Variants in CTPS2 observed in about 807,000 individuals in gnomAD.
The protein encoded by CTPS2 is CTP synthase II.
CTPS2 carries 19 observed loss-of-function variants against 46.8 expected under a neutral mutation model. The ratio of observed to expected loss-of-function variants is 0.41; its 90% CI spans 0.28 to 0.60. The LOEUF (loss-of-function observed/expected upper bound fraction) is 0.60, where lower values mean the gene tolerates loss of function less well. Ranked by LOEUF, CTPS2 falls within the 20% of genes least tolerant of loss-of-function variation. CTPS2 has a pLI of 0.35. For missense variants in CTPS2, 286 were observed against 447.6 expected, an observed-to-expected ratio of 0.64 and a Z score of 3.26; for synonymous variants, 151 against 165.2, an observed-to-expected ratio of 0.91 and a Z score of 0.66.
chrX:16,636,783 G>A (rs1455032515), intron 14 of CTPS2, among the ~76,000 whole-genome samples: 2 of 110,432 alleles, frequency 1.8e-5, no homozygotes, highest in Non-Finnish European at 3.8e-5. Flanking sequence ...AAAAATAGCC[G>A]GCAGGCGCCT....
At chrX:16,594,309 T>C (rs1929114770) in intron 17 of CTPS2, among the ~76,000 whole-genome samples, 1 of 111,042 alleles carries the variant, frequency 9.0e-6, no homozygotes, top group Non-Finnish European at 1.9e-5. Flanking sequence ...GGCTCATATC[T>C]TCCCCCCACA....
intron 10 of CTPS2, among the ~76,000 whole-genome samples, chrX:16,677,324 T>C (rs748945453): frequency 3.0e-4 from 34 of 111,847 alleles, no homozygotes; most frequent in African/African-American, 1.0e-3. Flanking sequence ...TTTATTAATC[T>C]TCCAGATATC....
At chrX:16,711,201 A>G (rs1332512102) in intron 1 of CTPS2, among the ~76,000 whole-genome samples, 1 of 112,467 alleles carries the variant, frequency 8.9e-6, no homozygotes, top group African/African-American at 3.2e-5. Flanking sequence ...AATGAAGTTC[A>G]TGTTAATATA....
intron 1 of CTPS2, 42 bp from the exon 2 acceptor site, chrX:16,702,983 T>A: frequency 1.1e-6 from 1 of 878,669 alleles, no homozygotes; most frequent in Non-Finnish European, 1.6e-6. Context: ...GAGAAATATT[T>A]AAAACTAGTA....
In CTPS2 at chrX:16,689,499, C is replaced by T. The variant is rs764233202; in HGVS notation, c.823G>A (p.Gly275Ser). ...YFKERLHLPI[G>S]DSASNLLFKW... Reference sequence around the variant, plus strand: ...AAAAGCAAATTACTTGCAGAATCACCGATGGGCAGGTGCAATCTCTCCTTA... The same window carrying T: ...AAAAGCAAATTACTTGCAGAATCACTGATGGGCAGGTGCAATCTCTCCTTA... Residue 275 changes from glycine (G) to serine (S), a missense_variant, in exon 8 of 19, where the codon GGT becomes AGT. Physicochemically the swap from Gly to Ser is moderately conservative, Grantham distance 56. Coordinates refer to ENST00000359276, the MANE Select transcript of CTPS2 (RefSeq NM_175859.3). 2.5e-6 allele frequency: 3 copies of T among 1,208,958 alleles called. No homozygotes were observed. The highest frequency in any genetic ancestry group is 3.4e-6 in the Non-Finnish European group (3 of 894,682).
chrX:16,667,506 C>CCACT lies in CTPS2; in HGVS notation c.1296+4_1296+7dup. 1 of 1,209,978 alleles carries CCACT rather than the reference C, an allele frequency of 8.3e-7. No individual in the cohort carries two copies. Among genetic ancestry groups the CCACT allele is most frequent in the Non-Finnish European group, 1.1e-6 (1 of 893,943 alleles). ...GACTGGACCCAGAAAGATAAACAAG[C>CCACT]CACTTACCAGAGGAACTGGGGCATT... On this transcript the variant is annotated splice_region_variant and intron_variant, in intron 13 of 18. Coordinates refer to ENST00000359276, the MANE Select transcript of CTPS2 (RefSeq NM_175859.3).
At chrX:16,616,236 T>C (rs1457488143) in intron 16 of CTPS2, among the ~76,000 whole-genome samples, 2 of 112,245 alleles carry the variant, frequency 1.8e-5, no homozygotes, top group African/African-American at 6.5e-5. Flanking sequence ...TTTGTGCCTA[T>C]GTGCTCACGG....
intron 17 of CTPS2, 42 bp downstream of exon 17, chrX:16,609,499 C>G: frequency 1.7e-6 from 2 of 1,178,353 alleles, no homozygotes; most frequent in Non-Finnish European, 2.3e-6. Flanking sequence ...ATATTAATAA[C>G]TATGCATCTT....
chrX:16,650,423 T>C (rs1241928158), intron 13 of CTPS2, among the ~76,000 whole-genome samples: 3 of 110,512 alleles, frequency 2.7e-5, no homozygotes, highest in Admixed American at 9.7e-5. Context: ...AGAATGTCAT[T>C]AATTACTAAT....
intron 13 of CTPS2, among the ~76,000 whole-genome samples, chrX:16,642,999 C>T (rs1356223549): frequency 9.0e-6 from 1 of 111,543 alleles, no homozygotes; most frequent in Non-Finnish European, 1.9e-5. Context: ...TGGAACTGAG[C>T]CATATAGTAT....
intron 13 of CTPS2, among the ~76,000 whole-genome samples, chrX:16,667,137 CT>C (rs34412705): frequency 1.8e-4 from 16 of 90,031 alleles, no homozygotes; most frequent in Admixed American, 3.8e-4. Context: ...CCCCCCCCGC[CT>C]TTTTTTTTTT....
intron 13 of CTPS2, among the ~76,000 whole-genome samples, chrX:16,663,826 T>TA (rs1229740666): frequency 9.0e-6 from 1 of 110,749 alleles, no homozygotes; most frequent in Non-Finnish European, 1.9e-5. Context: ...TTACTCTGTG[T>TA]AAAAAAAAAT....
chrX:16,708,508 T>A (rs1465636753), intron 1 of CTPS2, among the ~76,000 whole-genome samples: 2 of 110,687 alleles, frequency 1.8e-5, no homozygotes, highest in East Asian at 5.6e-4. Flanking sequence ...GACAACAGAG[T>A]GAGACTCCGT....
chrX:16,657,276 A>T (rs1486292035), intron 13 of CTPS2, among the ~76,000 whole-genome samples: 1 of 104,099 alleles, frequency 9.6e-6, no homozygotes, highest in African/African-American at 3.6e-5. Context: ...TTTTTCCAGA[A>T]GCTGGATGAC....
chrX:16,652,703 C>T (rs1932701454), intron 13 of CTPS2, among the ~76,000 whole-genome samples: 1 of 111,741 alleles, frequency 8.9e-6, no homozygotes, highest in Non-Finnish European at 1.9e-5. Context: ...ACAAAAAGTA[C>T]GTAAGACATA....
intron 10 of CTPS2, among the ~76,000 whole-genome samples, chrX:16,677,974 A>G (rs1922418432): frequency 8.9e-6 from 1 of 111,940 alleles, no homozygotes; most frequent in African/African-American, 3.2e-5. Context: ...TTACTTTCCT[A>G]ATAAACTTGC....
rs181290023 is a variant in CTPS2, at chrX:16,638,717, G to A, written c.1393+430C>T. ...GAGGTGCATAACTGCCCTCCTACTCGGAAGTTCATTTGTGAGTCACTAAGA... is the reference window on the plus strand; with the variant it reads ...GAGGTGCATAACTGCCCTCCTACTCAGAAGTTCATTTGTGAGTCACTAAGA... On this transcript the variant is annotated intron_variant, in intron 14 of 18. Coordinates refer to ENST00000359276, the MANE Select transcript of CTPS2 (RefSeq NM_175859.3). 2.8e-3 allele frequency: 789 copies of A among 286,747 alleles called. 5 individuals carry two copies. The highest frequency in any genetic ancestry group is 3.0e-3 in the Non-Finnish European group (435 of 145,209). 23.6% of individuals were successfully genotyped at this position (286,747 alleles called of 1,213,427 possible). A position where few individuals can be genotyped will look rare whatever the true frequency, so the allele number is the denominator to read the frequency against.
At chrX:16,689,721 C>T (rs1451231317) in intron 7 of CTPS2, 120 bp from the exon 8 acceptor site, 10 of 579,160 alleles carry the variant, frequency 1.7e-5, no homozygotes, top group Non-Finnish European at 2.4e-5. Flanking sequence ...CACACACACA[C>T]GCACACACAA....
chrX:16,595,066 CTT>C (rs907655945), intron 17 of CTPS2, among the ~76,000 whole-genome samples: 59 of 111,923 alleles, frequency 5.3e-4, no homozygotes, highest in African/African-American at 1.7e-3. Flanking sequence ...ACAGAACAAA[CTT>C]AAGTCATAAG....
Sources: gnomAD v4.1 joint callset for allele counts (sites outside exome capture counted in the v4.1 genomes callset) on GRCh38, gnomAD v4.1.1 for gene constraint, MANE v1.5 for transcripts, NCBI Gene and HGNC (gene_info 2026-07-23, HGNC 2026-07-21) for gene names.